NPNT: variants seen among roughly 807,000 people sequenced by gnomAD.
The protein encoded by NPNT is preosteoblast EGF-like repeat protein with MAM domain.
A neutral mutation model predicts 68.6 loss-of-function variants in NPNT; 45 were observed. The ratio of observed to expected loss-of-function variants is 0.66; its 90% confidence interval spans 0.52 to 0.84. NPNT has a LOEUF of 0.84. NPNT is among the 40% of genes least tolerant of loss of function. NPNT has a pLI of 0.00. For synonymous variants in NPNT, 233 were observed against 253.3 expected, an observed-to-expected ratio of 0.92 and a Z score of 0.76; for missense variants, 672 against 714.8, an observed-to-expected ratio of 0.94 and a Z score of 0.68.
intron 2 of NPNT, among the ~76,000 whole-genome samples, chr4:105,923,411 T>C (rs1728411693): frequency 6.6e-6 from 1 of 152,224 alleles, no homozygotes; most frequent in Non-Finnish European, 1.5e-5. Flanking sequence ...ATAACTCTTC[T>C]ATCCTAAATT....
chr4:105,952,639 A>C (rs1024886971), intron 8 of NPNT, among the ~76,000 whole-genome samples: 4 of 152,226 alleles, frequency 2.6e-5, no homozygotes, highest in Non-Finnish European at 5.9e-5. Flanking sequence ...TCTACATCAT[A>C]AATAAACATT....
At chr4:105,941,579 G>A (rs1729957864) in intron 7 of NPNT, among the ~76,000 whole-genome samples, 1 of 152,054 alleles carries the variant, frequency 6.6e-6, no homozygotes, top group Non-Finnish European at 1.5e-5. Flanking sequence ...GAGGATTAAA[G>A]GGTTTTTAAA....
At chr4:105,952,973 C>T (rs972838635) in intron 8 of NPNT, among the ~76,000 whole-genome samples, 1 of 152,124 alleles carries the variant, frequency 6.6e-6, no homozygotes, top group African/African-American at 2.4e-5. Context: ...CAAGACCAGC[C>T]TGGCCAACAT....
intron 3 of NPNT, among the ~76,000 whole-genome samples, chr4:105,928,943 CTATT>C (rs1217766250): frequency 6.8e-6 from 1 of 148,092 alleles, no homozygotes; most frequent in Non-Finnish European, 1.5e-5. Context: ...TTTTTTTTCA[CTATT>C]TATTTTTATT....
At chr4:105,943,737 AGTTT>A (rs1730169010) in intron 8 of NPNT, among the ~76,000 whole-genome samples, 1 of 152,076 alleles carries the variant, frequency 6.6e-6, no homozygotes. Flanking sequence ...ATACATTACC[AGTTT>A]GTTTTGTTCC....
At chr4:105,896,458 CG>C (rs1447985171) in intron 1 of NPNT, among the ~76,000 whole-genome samples, 1 of 152,180 alleles carries the variant, frequency 6.6e-6, no homozygotes, top group East Asian at 1.9e-4. Flanking sequence ...GGGGCCGCTC[CG>C]GTGTGTGAGA....
intron 7 of NPNT, among the ~76,000 whole-genome samples, chr4:105,941,443 T>A (rs1412717704): frequency 1.3e-5 from 2 of 152,320 alleles, no homozygotes; most frequent in East Asian, 3.9e-4. Context: ...GAGTAGTGGT[T>A]ATGTAATAGA....
At position 105,910,605 on chromosome 4, in the gene NPNT, G is replaced by T. The variant is rs151100095; in HGVS notation, c.172+12604G>T. Among the ~76,000 whole-genome samples the T allele has an allele frequency of 8.3e-3, 1,270 of 152,256 alleles. 3 individuals are homozygous for T. Among genetic ancestry groups the T allele is most frequent in the Non-Finnish European group, 0.011 (765 of 68,012 alleles). On this transcript the variant is annotated intron_variant, in intron 2 of 11. Coordinates refer to ENST00000379987, the MANE Select transcript of NPNT (RefSeq NM_001033047.3). Reference sequence around the variant, plus strand: ...TTTCCTTATCCTTCAATAGAGGATAGTTCCCAGAAACTTCCTAGAAGTAAT... The same window carrying T: ...TTTCCTTATCCTTCAATAGAGGATATTTCCCAGAAACTTCCTAGAAGTAAT...
intron 8 of NPNT, 84 bp from the exon 9 acceptor site, chr4:105,958,387 C>T: frequency 1.5e-6 from 1 of 685,794 alleles, no homozygotes; most frequent in Non-Finnish European, 2.5e-6. Flanking sequence ...AGGCCTTTTC[C>T]TCCTGCCCTT....
At chr4:105,915,526 A>C (rs1472512378) in intron 2 of NPNT, among the ~76,000 whole-genome samples, 1 of 152,146 alleles carries the variant, frequency 6.6e-6, no homozygotes, top group Non-Finnish European at 1.5e-5. Context: ...ATGAGGATCA[A>C]ATGAGGAAAC....
chr4:105,921,001 A>G (rs1176624514), intron 2 of NPNT, among the ~76,000 whole-genome samples: 1 of 152,202 alleles, frequency 6.6e-6, no homozygotes, highest in South Asian at 2.1e-4. Context: ...AGAATCCAGC[A>G]TCTACATAAA....
intron 2 of NPNT, among the ~76,000 whole-genome samples, chr4:105,904,383 C>A (rs1316409674): frequency 6.6e-6 from 1 of 152,170 alleles, no homozygotes; most frequent in Non-Finnish European, 1.5e-5. Flanking sequence ...CGATGCTGAC[C>A]CAAAGGCTCC....
At chr4:105,945,996 A>G (rs1269159547) in intron 8 of NPNT, among the ~76,000 whole-genome samples, 1 of 152,246 alleles carries the variant, frequency 6.6e-6, no homozygotes, top group Non-Finnish European at 1.5e-5. Context: ...TATCTCTAGA[A>G]AGTATAAATT....
rs537673221 is a variant in NPNT at position 105,961,239 on chromosome 4, A to C, written c.1345+2113A>C. On this transcript the variant is annotated intron_variant, in intron 10 of 11. Coordinates refer to ENST00000379987, the MANE Select transcript of NPNT (RefSeq NM_001033047.3). ...GCAGCATTATTGTGTTTTTGACTGT[A>C]CCACAGGCTGGCCTCAGTAGGTGTG... Among the ~76,000 whole-genome samples the C allele has an allele frequency of 3.7e-3, 556 of 152,318 alleles. 4 individuals carry two copies. The highest frequency in any genetic ancestry group is 0.013 in the African/African-American group (537 of 41,568).
At chr4:105,942,264 G>T in intron 7 of NPNT, 43 bp from the exon 8 acceptor site, 1 of 1,476,124 alleles carries the variant, frequency 6.8e-7, no homozygotes, top group Non-Finnish European at 9.2e-7. Flanking sequence ...CACTTTTTAG[G>T]GAGGAATGGT....
At chr4:105,930,788 A>T (rs946296833) in intron 3 of NPNT, among the ~76,000 whole-genome samples, 3 of 152,192 alleles carry the variant, frequency 2.0e-5, no homozygotes, top group African/African-American at 7.2e-5. Flanking sequence ...TTGAATAAAC[A>T]AGTGCTTAAC....
chr4:105,963,873 G>A (rs569815603), intron 10 of NPNT, among the ~76,000 whole-genome samples: 1 of 151,882 alleles, frequency 6.6e-6, no homozygotes, highest in East Asian at 1.9e-4. Context: ...TACCATCCCT[G>A]ACTCCCATTC....
intron 2 of NPNT, among the ~76,000 whole-genome samples, chr4:105,916,157 CA>C (rs1369761717): frequency 6.6e-6 from 1 of 152,010 alleles, no homozygotes; most frequent in African/African-American, 2.4e-5. Context: ...TTTACATCAC[CA>C]CCACTCCTAA....
chr4:105,930,341 G>C (rs772323649), intron 3 of NPNT, among the ~76,000 whole-genome samples: 5 of 152,152 alleles, frequency 3.3e-5, no homozygotes, highest in Non-Finnish European at 5.9e-5. Flanking sequence ...AGCTTGAAAG[G>C]GTTCCACCAG....
Sources: allele counts gnomAD v4.1 joint callset (sites outside exome capture counted in the v4.1 genomes callset), GRCh38; gene constraint gnomAD v4.1.1; transcripts MANE v1.5; gene names NCBI Gene and HGNC (gene_info 2026-07-23, HGNC 2026-07-21).